HUNK: variants seen among roughly 807,000 people sequenced by gnomAD.
HUNK encodes hormonally up-regulated neu tumor-associated kinase.
Under a neutral mutation model 61.0 loss-of-function variants are expected in HUNK, and 21 were observed. That is an observed-to-expected ratio of 0.34 (90% confidence interval 0.24 to 0.50). The LOEUF (loss-of-function observed/expected upper bound fraction) is 0.50, where lower values mean the gene tolerates loss of function less well. Ranked by LOEUF, HUNK falls within the 20% of genes least tolerant of loss-of-function variation. The probability of loss-of-function intolerance (pLI) is 0.98; values close to 1 mark genes in which losing one functional copy is unlikely to be tolerated. For missense variants in HUNK, 772 were observed against 945.7 expected (o/e 0.82, Z 2.41); for synonymous variants, 371 against 386.1 (o/e 0.96, Z 0.46).
At chr21:31,978,478 C>T (rs986170774) in intron 7 of HUNK, among the ~76,000 whole-genome samples, 1 of 151,962 alleles carries the variant, frequency 6.6e-6, no homozygotes, top group African/African-American at 2.4e-5. Flanking sequence ...TCTCTTCTGC[C>T]CACTTTCCCT....
At chr21:31,942,178 C>G (rs1204716846) in intron 3 of HUNK, among the ~76,000 whole-genome samples, 1 of 152,256 alleles carries the variant, frequency 6.6e-6, no homozygotes, top group Non-Finnish European at 1.5e-5. Flanking sequence ...ACACTGCACT[C>G]CAGCCTGGGC....
chr21:31,960,808 C>A (rs1230382379), intron 5 of HUNK, among the ~76,000 whole-genome samples: 1 of 152,130 alleles, frequency 6.6e-6, no homozygotes, highest in Admixed American at 6.5e-5. Context: ...TATTACAATT[C>A]AAGGTGAGAT....
intron 1 of HUNK, among the ~76,000 whole-genome samples, chr21:31,912,479 C>T (rs1601373890): frequency 6.6e-6 from 1 of 151,950 alleles, no homozygotes; most frequent in East Asian, 1.9e-4. Flanking sequence ...ATGCCTCGGT[C>T]GGGGGAGGAG....
intron 1 of HUNK, among the ~76,000 whole-genome samples, chr21:31,887,957 C>G (rs554216943): frequency 6.6e-6 from 1 of 152,018 alleles, no homozygotes; most frequent in African/African-American, 2.4e-5. Flanking sequence ...ATACTGATCA[C>G]GAAAATAATG....
chr21:31,895,315 C>T (rs987541317), intron 1 of HUNK, among the ~76,000 whole-genome samples: 1 of 152,190 alleles, frequency 6.6e-6, no homozygotes, highest in Non-Finnish European at 1.5e-5. Flanking sequence ...GTGTTAAGAG[C>T]TGAAGCAGCT....
At chr21:31,979,728 G>C (rs1335008850) in intron 7 of HUNK, among the ~76,000 whole-genome samples, 1 of 151,412 alleles carries the variant, frequency 6.6e-6, no homozygotes, top group African/African-American at 2.4e-5. Context: ...TGTTAGCCAG[G>C]ATGGTCTCAA....
chr21:31,976,541 A>G lies in HUNK; in HGVS notation c.1173+1824A>G, dbSNP rs1383623991. On this transcript the variant is annotated intron_variant, in intron 7 of 10. Transcript: ENST00000270112. ...GAGTGCAGTGGGACGATCTCGGCTC[A>G]CTGCAACTTCTGCCTCCCAGGTTCA... Among the ~76,000 whole-genome samples the G allele has an allele frequency of 2.3e-4, 30 of 131,712 alleles. 1 individual carries two copies. 86.4% of individuals were successfully genotyped at this position (131,712 alleles called of 152,430 possible).
At chr21:31,932,402 A>G (rs1448228906) in intron 2 of HUNK, among the ~76,000 whole-genome samples, 5 of 151,872 alleles carry the variant, frequency 3.3e-5, no homozygotes, top group Admixed American at 6.6e-5. Context: ...GAACTTTCCA[A>G]CTGACCATCT....
chr21:31,886,813 T>A (rs1171908439), intron 1 of HUNK, among the ~76,000 whole-genome samples: 3 of 152,058 alleles, frequency 2.0e-5, no homozygotes, highest in African/African-American at 7.2e-5. Context: ...GCCCAGCTAA[T>A]TTTTGTATTT....
rs3746854 is a variant in HUNK at position 32,000,038 on chromosome 21, A to G, written c.*854A>G. The G allele has an allele frequency of 0.21, 81,932 of 396,654 alleles. 9,493 individuals are homozygous for G. Among genetic ancestry groups the G allele is most frequent in the South Asian group, 0.29 (2,003 of 6,946 alleles). The allele number at this position is 396,654 out of a possible 1,614,324, so 24.6% of individuals were successfully genotyped here. A position where few individuals can be genotyped will look rare whatever the true frequency, so the allele number is the denominator to read the frequency against. On this transcript the variant is annotated 3_prime_UTR_variant, in exon 11 of 11. Transcript: ENST00000270112. ...TGATTTGCTGAGTGCTGTGGCCCACAGGCAGGGCAAGTCTCGGTGGCCCTG... is the reference window on the plus strand; with the variant it reads ...TGATTTGCTGAGTGCTGTGGCCCACGGGCAGGGCAAGTCTCGGTGGCCCTG...
chr21:31,987,472 C>A (rs961393254), intron 8 of HUNK, among the ~76,000 whole-genome samples: 1 of 152,212 alleles, frequency 6.6e-6, no homozygotes, highest in South Asian at 2.1e-4. Context: ...TGACCTGACA[C>A]CTGCCCCACT....
At chr21:31,908,226 G>A (rs2052521016) in intron 1 of HUNK, among the ~76,000 whole-genome samples, 1 of 151,806 alleles carries the variant, frequency 6.6e-6, no homozygotes, top group South Asian at 2.1e-4. Context: ...AAAGTGGAGA[G>A]GGAGGTGTGG....
chr21:31,932,267 C>G (rs550474424), intron 2 of HUNK, among the ~76,000 whole-genome samples: 3 of 152,298 alleles, frequency 2.0e-5, no homozygotes, highest in Non-Finnish European at 4.4e-5. Context: ...GAGCAGCTGC[C>G]TTTCTGCCCC....
rs936191749 is a variant in HUNK at position 32,000,196 on chromosome 21, G to T, written c.*1012G>T. ...GCATAACTCAGATGGCGAGAAGGCAGCATTATCTCTGTGCGATGCTGATTT... is the reference window on the plus strand; with the variant it reads ...GCATAACTCAGATGGCGAGAAGGCATCATTATCTCTGTGCGATGCTGATTT... On this transcript the variant is annotated 3_prime_UTR_variant, in exon 11 of 11. Transcript: ENST00000270112. 8 of 398,954 alleles carry T rather than the reference G, an allele frequency of 2.0e-5. No homozygotes were observed. Among genetic ancestry groups the T allele is most frequent in the Non-Finnish European group, 1.8e-5 (4 of 226,096 alleles). The allele number at this position is 398,954 out of a possible 1,614,324, so 24.7% of individuals were successfully genotyped here. A position where few individuals can be genotyped will look rare whatever the true frequency, so the allele number is the denominator to read the frequency against.
chr21:31,989,543 G>A (rs187160890), intron 8 of HUNK, among the ~76,000 whole-genome samples: 82 of 151,990 alleles, frequency 5.4e-4, no homozygotes, highest in Middle Eastern at 3.4e-3. Flanking sequence ...GTGAAACCCC[G>A]TCTCTACTAA....
At chr21:31,979,699 T>G (rs911288773) in intron 7 of HUNK, among the ~76,000 whole-genome samples, 1 of 151,478 alleles carries the variant, frequency 6.6e-6, no homozygotes, top group South Asian at 2.1e-4. Context: ...GTATTTTTAG[T>G]AGAGACAGGG....
Position 31,903,313 on chromosome 21 carries a change from C to T in HUNK, c.262-21155C>T, listed in dbSNP as rs935441107. Among the ~76,000 whole-genome samples the T allele has an allele frequency of 4.6e-5, 7 of 152,000 alleles. No individual in the cohort carries two copies. In the East Asian group the frequency reaches 9.7e-4, roughly 21 times the overall value. On this transcript the variant is annotated intron_variant, in intron 1 of 10. Coordinates refer to ENST00000270112, the MANE Select transcript of HUNK (RefSeq NM_014586.2). ...TAAGTGGAAAACATCCCTTTGAAGT[C>T]GATGATATTCTGCTCTCTAGAAATA...
At chr21:31,959,225 A>G (rs1332488302) in intron 5 of HUNK, among the ~76,000 whole-genome samples, 1 of 152,148 alleles carries the variant, frequency 6.6e-6, no homozygotes, top group Non-Finnish European at 1.5e-5. Context: ...CTCCTTCTGC[A>G]CAAAACACGT....
chr21:31,986,520 A>G (rs574940833), intron 8 of HUNK, among the ~76,000 whole-genome samples: 1 of 151,966 alleles, frequency 6.6e-6, no homozygotes, highest in Admixed American at 6.5e-5. Context: ...GCACCGCATC[A>G]TGTCACTTTC....
Sources: gnomAD v4.1 joint callset for allele counts (sites outside exome capture counted in the v4.1 genomes callset) on GRCh38, gnomAD v4.1.1 for gene constraint, MANE v1.5 for transcripts, NCBI Gene and HGNC (gene_info 2026-07-23, HGNC 2026-07-21) for gene names.